CCDC85A: variants seen among roughly 807,000 people sequenced by gnomAD.
CCDC85A encodes the protein coiled-coil domain containing 85A.
CCDC85A carries 38 observed loss-of-function variants against 50.2 expected under a neutral mutation model. The ratio of observed to expected loss-of-function variants is 0.76; its 90% CI spans 0.58 to 0.99. The LOEUF is 0.99. Ranked by LOEUF, CCDC85A falls within the 50% of genes least tolerant of loss-of-function variation. The pLI is 0.00. For synonymous variants in CCDC85A, 366 were observed against 301.4 expected (o/e 1.21, Z -2.22); for missense variants, 820 against 742.0 (o/e 1.11, Z -1.22).
intron 3 of CCDC85A, among the ~76,000 whole-genome samples, chr2:56,350,909 A>T (rs1674895567): frequency 6.7e-6 from 1 of 149,290 alleles, no homozygotes. Context: ...TGTGCAGGTT[A>T]GTTACATATG....
chr2:56,184,204 CGTGTGCGTGCACGCCT>C lies in CCDC85A; in HGVS notation c.-414_-399del, dbSNP rs1288070360. 1 of 987,436 alleles carries C rather than the reference CGTGTGCGTGCACGCCT, an allele frequency of 1.0e-6. No individual in the cohort carries two copies. The highest frequency in any genetic ancestry group is 1.2e-6 in the Non-Finnish European group (1 of 830,186). 61.2% of individuals were successfully genotyped at this position (987,436 alleles called of 1,614,324 possible). Reference sequence around the variant, plus strand: ...CAGCTGGGCAAGGGGGAGGAAAGTGCGTGTGCGTGCACGCCTGTGTGCAGGGCAGAGAGTGCGGGGG... The same window carrying C: ...CAGCTGGGCAAGGGGGAGGAAAGTGCGTGTGCAGGGCAGAGAGTGCGGGGG... On this transcript the variant is annotated 5_prime_UTR_variant, in exon 1 of 6. Transcript: ENST00000407595.
chr2:56,233,331 A>G (rs530931263), intron 2 of CCDC85A, among the ~76,000 whole-genome samples: 8 of 152,316 alleles, frequency 5.3e-5, no homozygotes, highest in South Asian at 2.1e-4. Context: ...TTGTTCCATA[A>G]TGATGAGACT....
At position 56,366,471 on chromosome 2, in the gene CCDC85A, G is replaced by C. The variant is rs141009495; in HGVS notation, c.1318-5873G>C. Among the ~76,000 whole-genome samples, 564 of 152,130 alleles carry C rather than the reference G, an allele frequency of 3.7e-3. 4 individuals carry two copies. Among genetic ancestry groups the C allele is most frequent in the Middle Eastern group, 0.017 (5 of 294 alleles). On this transcript the variant is annotated intron_variant, in intron 3 of 5. Coordinates refer to ENST00000407595, the MANE Select transcript of CCDC85A (RefSeq NM_001080433.2). ...AAAAGGCATGAGGTGATCTCATTGT[G>C]GTTTTAATTTGTATTTTTCTCTTGA...
intron 3 of CCDC85A, among the ~76,000 whole-genome samples, chr2:56,343,385 G>A (rs912117616): frequency 6.6e-6 from 1 of 152,190 alleles, no homozygotes; most frequent in Non-Finnish European, 1.5e-5. Context: ...AATTAAATTA[G>A]TACATTCTAA....
At chr2:56,287,551 C>T (rs1353106646) in intron 2 of CCDC85A, among the ~76,000 whole-genome samples, 2 of 152,184 alleles carry the variant, frequency 1.3e-5, no homozygotes. Context: ...GACCCAGTTC[C>T]AATAACTCTG....
chr2:56,221,406 T>C (rs1490875077), intron 2 of CCDC85A, among the ~76,000 whole-genome samples: 1 of 152,106 alleles, frequency 6.6e-6, no homozygotes, highest in Admixed American at 6.6e-5. Context: ...CTGATGCCCA[T>C]AGAACTCATA....
chr2:56,328,889 T>G (rs143810739), intron 2 of CCDC85A, among the ~76,000 whole-genome samples: 112 of 152,156 alleles, frequency 7.4e-4, no homozygotes, highest in Non-Finnish European at 1.2e-3. Context: ...CCTCTCTCAT[T>G]CTTGTTTCTT....
intron 2 of CCDC85A, among the ~76,000 whole-genome samples, chr2:56,213,334 T>G (rs1336651176): frequency 6.6e-6 from 1 of 151,878 alleles, no homozygotes; most frequent in Non-Finnish European, 1.5e-5. Flanking sequence ...GCTATTAGAG[T>G]GTTAGGTCAA....
intron 2 of CCDC85A, among the ~76,000 whole-genome samples, chr2:56,248,746 C>T (rs1397375251): frequency 2.6e-5 from 4 of 152,114 alleles, no homozygotes; most frequent in East Asian, 3.9e-4. Flanking sequence ...GAGCTGAGTG[C>T]CACCTACATG....
intron 2 of CCDC85A, among the ~76,000 whole-genome samples, chr2:56,220,942 C>T (rs867802044): frequency 1.1e-4 from 16 of 152,092 alleles, no homozygotes; most frequent in Middle Eastern, 6.8e-3. Context: ...TCTCCATTTG[C>T]ATGAAATTCC....
At chr2:56,370,823 C>G (rs1263832779) in intron 3 of CCDC85A, among the ~76,000 whole-genome samples, 1 of 151,838 alleles carries the variant, frequency 6.6e-6, no homozygotes, top group Non-Finnish European at 1.5e-5. Context: ...AAGTAGAATG[C>G]CTATATGTTT....
chr2:56,184,600 T>G lies in CCDC85A; in HGVS notation c.-25T>G. On this transcript the variant is annotated 5_prime_UTR_variant, in exon 1 of 6. Coordinates refer to ENST00000407595, the MANE Select transcript of CCDC85A (RefSeq NM_001080433.2). Reference sequence around the variant, plus strand: ...GAGTCGCCTCGCCTCTTCCACCCACTTGCACCTGCCACCCCGCGGATACCA... The same window carrying G: ...GAGTCGCCTCGCCTCTTCCACCCACGTGCACCTGCCACCCCGCGGATACCA... 7.1e-7 allele frequency: 1 copy of G among 1,405,906 alleles called. No homozygotes were observed. Among genetic ancestry groups the G allele is most frequent in the Non-Finnish European group, 9.1e-7 (1 of 1,094,822 alleles). 87.1% of individuals were successfully genotyped at this position (1,405,906 alleles called of 1,614,324 possible).
chr2:56,210,174 C>G (rs1677125914), intron 2 of CCDC85A, among the ~76,000 whole-genome samples: 1 of 152,084 alleles, frequency 6.6e-6, no homozygotes, highest in Non-Finnish European at 1.5e-5. Flanking sequence ...ACATATCTGC[C>G]TCCATGTAAT....
intron 2 of CCDC85A, among the ~76,000 whole-genome samples, chr2:56,251,839 C>G (rs1034844329): frequency 1.3e-5 from 2 of 152,156 alleles, no homozygotes; most frequent in Admixed American, 1.3e-4. Context: ...GAACCCTGAA[C>G]AAGTGGAATG....
chr2:56,223,220 G>C (rs1668403138), intron 2 of CCDC85A, among the ~76,000 whole-genome samples: 1 of 152,052 alleles, frequency 6.6e-6, no homozygotes, highest in Non-Finnish European at 1.5e-5. Flanking sequence ...TTAAAAAGCT[G>C]AATCAGTCAT....
chr2:56,243,770 C>T (rs1669376339), intron 2 of CCDC85A, among the ~76,000 whole-genome samples: 1 of 152,148 alleles, frequency 6.6e-6, no homozygotes, highest in Admixed American at 6.6e-5. Context: ...TTGTACCTAT[C>T]CTTCTTAGGA....
At chr2:56,268,211 T>C (rs930877733) in intron 2 of CCDC85A, among the ~76,000 whole-genome samples, 5 of 152,166 alleles carry the variant, frequency 3.3e-5, no homozygotes, top group Non-Finnish European at 7.3e-5. Flanking sequence ...AATTATCTTA[T>C]GGAACATTGA....
In CCDC85A at chr2:56,192,469, C is replaced by T; in HGVS notation, c.277-8C>T. The T allele has an allele frequency of 3.1e-6, 5 of 1,600,644 alleles. No homozygotes were observed. The highest frequency in any genetic ancestry group is 4.3e-6 in the Non-Finnish European group (5 of 1,173,658). ...ACTTCCCTTGAATGGTTGTGTCTCT[C>T]TTTTCAGGATATCAACCAGAAACTC... On this transcript the variant is annotated splice_region_variant and splice_polypyrimidine_tract_variant and intron_variant, in intron 1 of 5. Coordinates refer to ENST00000407595, the MANE Select transcript of CCDC85A (RefSeq NM_001080433.2). The surrounding 1 kb of genome is among the most constrained non-coding windows in gnomAD (Gnocchi z 4.7).
At chr2:56,303,896 G>A (rs562302912) in intron 2 of CCDC85A, among the ~76,000 whole-genome samples, 1 of 152,122 alleles carries the variant, frequency 6.6e-6, no homozygotes, top group African/African-American at 2.4e-5. Flanking sequence ...AGGAGCTAAC[G>A]GTCTGCATGA....
Sources: gnomAD v4.1 joint callset for allele counts (sites outside exome capture counted in the v4.1 genomes callset) on GRCh38, gnomAD v4.1.1 for gene constraint, Gnocchi (gnomAD v3.1) non-coding constraint, MANE v1.5 for transcripts, NCBI Gene and HGNC (gene_info 2026-07-23, HGNC 2026-07-21) for gene names.